UBN2: variants seen among roughly 807,000 people sequenced by gnomAD.
UBN2 encodes the protein ubinuclein 2, also known as ubinuclein-2.
In UBN2, 35 loss-of-function variants were observed where a neutral mutation model predicts 120.2. The ratio of observed to expected loss-of-function variants is 0.29; its 90% CI spans 0.22 to 0.39. The LOEUF is 0.39. Among genes scored for constraint, UBN2 ranks in the 10% least tolerant of loss-of-function variants. The probability of loss-of-function intolerance (pLI) is 1.00; values close to 1 mark genes in which losing one functional copy is unlikely to be tolerated. For synonymous variants in UBN2, 661 were observed against 648.7 expected (o/e 1.02, Z -0.29); for missense variants, 1,693 against 1,663.2 (o/e 1.02, Z -0.31).
rs1375942822 is a variant in UBN2 at position 139,276,278 on chromosome 7, T to G, written c.2024+131T>G. The G allele has an allele frequency of 6.1e-5, 52 of 847,242 alleles. No homozygotes were observed. In the East Asian group the frequency reaches 1.3e-3, roughly 21 times the overall value. 52.5% of individuals were successfully genotyped at this position (847,242 alleles called of 1,614,324 possible). ...CATTTTGACCATTGACTATTTAGAC[T>G]TCAGAACACATTTATCTATTGAAAT... On this transcript the variant is annotated intron_variant, in intron 12 of 17. Transcript: ENST00000473989.
rs1798021993 is a variant in UBN2, at chr7:139,293,463, A to ACT, written c.3901_3901+1insCT (p.Asn1301ThrfsTer4). ...CGCTTTCCACCATAGCCTAACTCAG[A>ACT]GTAAGTGGGGCTCTTCTATTTGGTT... On this transcript the variant is annotated frameshift_variant and splice_region_variant. Transcript: ENST00000473989. LOFTEE classifies it high-confidence loss of function. 6.2e-7 allele frequency: 1 copy of ACT among 1,613,570 alleles called. No homozygotes were observed. The highest frequency in any genetic ancestry group is 8.5e-7 in the Non-Finnish European group (1 of 1,179,672).
chr7:139,269,814 T>G (rs1332509587), intron 8 of UBN2, among the ~76,000 whole-genome samples: 1 of 152,204 alleles, frequency 6.6e-6, no homozygotes, highest in East Asian at 1.9e-4. Flanking sequence ...CACCTTTTTT[T>G]TTTTCCTTTT....
the UBN2 span, among the ~76,000 whole-genome samples, chr7:139,316,484 A>T: frequency 6.6e-6 from 1 of 152,120 alleles, no homozygotes; most frequent in African/African-American, 2.4e-5. Flanking sequence ...ATATAATTTC[A>T]TGGCCGTGCA....
At chr7:139,315,589 T>A in the UBN2 span, among the ~76,000 whole-genome samples, 1 of 152,204 alleles carries the variant, frequency 6.6e-6, no homozygotes, top group Admixed American at 6.5e-5. Flanking sequence ...TGAATAATGC[T>A]CCTATTAACA....
chr7:139,231,878 G>A lies in UBN2; in HGVS notation c.394G>A (p.Val132Met). ...PPRETVRLEL[V>M]LKDPTDESCV... ...GAGGGAGACGGTGCGCCTGGAGCTGGTGCTTAAGGACCCCACCGACGAGAG... is the reference window on the plus strand; with the variant it reads ...GAGGGAGACGGTGCGCCTGGAGCTGATGCTTAAGGACCCCACCGACGAGAG... The change falls in exon 1 of 18, where the codon GTG becomes ATG. Residue 132 changes from valine to methionine, a missense_variant. Val to Met is a conservative substitution (Grantham distance 21). Coordinates refer to ENST00000473989, the MANE Select transcript of UBN2 (RefSeq NM_173569.4). 1.3e-6 allele frequency: 2 copies of A among 1,578,028 alleles called. No homozygotes were observed. The highest frequency in any genetic ancestry group is 8.6e-7 in the Non-Finnish European group (1 of 1,168,066).
chr7:139,250,904 C>T (rs1796607768), intron 2 of UBN2, among the ~76,000 whole-genome samples: 1 of 152,076 alleles, frequency 6.6e-6, no homozygotes, highest in Admixed American at 6.6e-5. Flanking sequence ...CCCAGAAGTT[C>T]AAGAACAGCC....
At chr7:139,278,155 A>G (rs1267480145) in intron 12 of UBN2, among the ~76,000 whole-genome samples, 1 of 148,354 alleles carries the variant, frequency 6.7e-6, no homozygotes, top group Non-Finnish European at 1.5e-5. Context: ...TTTACAAAAG[A>G]TGTCTCCCTC....
chr7:139,315,339 T>C, the UBN2 span: 57,018 of 152,126 alleles, frequency 0.37, 13,566 homozygotes, highest in African/African-American at 0.67. Context: ...TGCGCAGGGG[T>C]GGTGCTAATC....
the UBN2 span, among the ~76,000 whole-genome samples, chr7:139,324,374 G>T: frequency 6.6e-6 from 1 of 150,678 alleles, no homozygotes; most frequent in African/African-American, 2.4e-5. Flanking sequence ...TCGAGACCAC[G>T]GTGAAACCCC....
chr7:139,275,137 G>A (rs1797403496), intron 11 of UBN2, among the ~76,000 whole-genome samples: 1 of 151,676 alleles, frequency 6.6e-6, no homozygotes, highest in African/African-American at 2.4e-5. Context: ...AATTAGCTGG[G>A]CATGGTGGTG....
chr7:139,262,713 CAAAA>C (rs745935446), intron 6 of UBN2, among the ~76,000 whole-genome samples: 1 of 82,030 alleles, frequency 1.2e-5, no homozygotes, highest in African/African-American at 5.4e-5. Context: ...GACTCCATCT[CAAAA>C]AAAAAAAAAA....
the UBN2 span, among the ~76,000 whole-genome samples, chr7:139,324,197 G>GA: frequency 6.6e-6 from 1 of 151,624 alleles, no homozygotes; most frequent in Non-Finnish European, 1.5e-5. Flanking sequence ...CTGATATTTT[G>GA]AAAAAAATGG....
At chr7:139,322,022 GGAGTGCAGTGGCACAATCT>G in the UBN2 span, among the ~76,000 whole-genome samples, 1 of 151,952 alleles carries the variant, frequency 6.6e-6, no homozygotes, top group African/African-American at 2.4e-5. Context: ...CACCCAGGCT[GGAGTGCAGTGGCACAATCT>G]CAGCTCACTG....
At chr7:139,253,082 T>C (rs1039303687) in intron 3 of UBN2, among the ~76,000 whole-genome samples, 9 of 152,196 alleles carry the variant, frequency 5.9e-5, no homozygotes, top group African/African-American at 1.9e-4. Flanking sequence ...TGTCCAGAAA[T>C]TTCAGTGATA....
At chr7:139,289,933 GC>G (rs1797903158) in intron 15 of UBN2, among the ~76,000 whole-genome samples, 1 of 150,562 alleles carries the variant, frequency 6.6e-6, no homozygotes, top group Non-Finnish European at 1.5e-5. Flanking sequence ...TTGCTCTGTT[GC>G]CCAGGCTAGA....
the UBN2 span, among the ~76,000 whole-genome samples, chr7:139,323,830 G>T: frequency 6.6e-6 from 1 of 151,794 alleles, no homozygotes; most frequent in Non-Finnish European, 1.5e-5. Context: ...GATTTTTTTT[G>T]TACTCATGCA....
chr7:139,288,730 G>A (rs955864012), intron 15 of UBN2, among the ~76,000 whole-genome samples: 3 of 152,100 alleles, frequency 2.0e-5, no homozygotes, highest in Non-Finnish European at 4.4e-5. Context: ...GCGGCCGGTC[G>A]TGGTGGCTCA....
rs546836896 is a variant in UBN2, at chr7:139,232,058, GC to G, written c.468+110del. ...GACGCCCACCGAGCGCGTCCGGGTC[GC>G]CCCGAGGGTGGGGTGCGGGGGGCCG... On this transcript the variant is annotated intron_variant, in intron 1 of 17. Transcript: ENST00000473989. The G allele has an allele frequency of 2.4e-5, 27 of 1,143,340 alleles. No homozygotes were observed. In the African/African-American group the frequency reaches 4.2e-4, roughly 18 times the overall value. The allele number at this position is 1,143,340 out of a possible 1,614,324, so 70.8% of individuals were successfully genotyped here. A position where few individuals can be genotyped will look rare whatever the true frequency, so the allele number is the denominator to read the frequency against.
At chr7:139,316,316 C>T in the UBN2 span, among the ~76,000 whole-genome samples, 4 of 151,910 alleles carry the variant, frequency 2.6e-5, no homozygotes, top group Non-Finnish European at 5.9e-5. Context: ...TATAAAAGTA[C>T]TTATTCCAGG....
Sources: gnomAD v4.1 joint callset for allele counts (sites outside exome capture counted in the v4.1 genomes callset) on GRCh38, gnomAD v4.1.1 for gene constraint, MANE v1.5 for transcripts, NCBI Gene and HGNC (gene_info 2026-07-23, HGNC 2026-07-21) for gene names.